The following COL22A1 variants were observed in gnomAD, a reference collection of about 807,000 sequenced individuals.
COL22A1 encodes collagen alpha-1(XXII) chain.
A neutral mutation model predicts 248.9 loss-of-function variants in COL22A1; 221 were observed. The observed-to-expected ratio is 0.89, with a 90% CI of 0.80 to 0.99. The LOEUF (loss-of-function observed/expected upper bound fraction) is 0.99, where lower values mean the gene tolerates loss of function less well. COL22A1 is among the 50% of genes least tolerant of loss of function. The probability of loss-of-function intolerance (pLI) is 0.00; values close to 1 mark genes in which losing one functional copy is unlikely to be tolerated. For missense variants in COL22A1, 2,240 were observed against 2,179.0 expected, an observed-to-expected ratio of 1.03 and a Z score of -0.56; for synonymous variants, 891 against 793.4, an observed-to-expected ratio of 1.12 and a Z score of -2.07.
chr8:138,741,933 T>A (rs1338018304), intron 22 of COL22A1, among the ~76,000 whole-genome samples: 1 of 151,064 alleles, frequency 6.6e-6, no homozygotes, highest in East Asian at 1.9e-4. Flanking sequence ...ATGGTGATGA[T>A]GGTGGTGATG....
intron 21 of COL22A1, among the ~76,000 whole-genome samples, chr8:138,753,600 A>G (rs925834369): frequency 6.6e-6 from 1 of 152,198 alleles, no homozygotes; most frequent in Non-Finnish European, 1.5e-5. Context: ...CATCATCTAG[A>G]AATTGCAAAT....
chr8:138,800,994 C>T (rs1816953243), intron 11 of COL22A1, among the ~76,000 whole-genome samples: 1 of 152,206 alleles, frequency 6.6e-6, no homozygotes, highest in African/African-American at 2.4e-5. Context: ...CCTCACGTCA[C>T]CGAGCTGATG....
At chr8:138,805,517 GTA>G (rs1406527663) in intron 10 of COL22A1, among the ~76,000 whole-genome samples, 4 of 144,932 alleles carry the variant, frequency 2.8e-5, no homozygotes, top group African/African-American at 8.1e-5. Flanking sequence ...TGGTGTGTGT[GTA>G]TATGTGTGAT....
chr8:138,696,640 T>C (rs544787374), intron 32 of COL22A1, among the ~76,000 whole-genome samples: 79 of 152,238 alleles, frequency 5.2e-4, no homozygotes, highest in Non-Finnish European at 9.3e-4. Flanking sequence ...CCTGCGGCTG[T>C]CTTCCTCACT....
At chr8:138,854,496 G>C (rs1388463389) in intron 3 of COL22A1, among the ~76,000 whole-genome samples, 1 of 152,186 alleles carries the variant, frequency 6.6e-6, no homozygotes, top group Non-Finnish European at 1.5e-5. Flanking sequence ...AGCAGAGGCA[G>C]GGCTCAAGGC....
intron 3 of COL22A1, among the ~76,000 whole-genome samples, chr8:138,855,474 C>T (rs1199656506): frequency 7.9e-5 from 12 of 152,180 alleles, no homozygotes; most frequent in Admixed American, 2.0e-4. Context: ...GGCTCGGCTC[C>T]TCATTTGAAC....
Position 138,772,163 on chromosome 8 carries a change from C to T in COL22A1, c.1803+3803G>A, listed in dbSNP as rs553283073. 6.9e-4 allele frequency among the ~76,000 whole-genome samples: 105 copies of T among 152,336 alleles called. No individual in the cohort carries two copies. In the South Asian group the frequency reaches 0.017, roughly 24 times the overall value. ...CACCTGTGAGGGAAGGCCGTCTGCA[C>T]GCTGAGTTCGATCTTGGTTCCTGCA... is the stretch of plus-strand genomic sequence containing the variant. On this transcript the variant is annotated intron_variant, in intron 16 of 64. Transcript: ENST00000303045.
At chr8:138,713,700 C>T (rs1829208346) in intron 30 of COL22A1, among the ~76,000 whole-genome samples, 1 of 97,104 alleles carries the variant, frequency 1.0e-5, no homozygotes, top group Admixed American at 1.2e-4. Context: ...TCATCACACC[C>T]TATGAGTCCA....
At chr8:138,722,642 G>T (rs1829960407) in intron 25 of COL22A1, among the ~76,000 whole-genome samples, 1 of 152,158 alleles carries the variant, frequency 6.6e-6, no homozygotes, top group African/African-American at 2.4e-5. Context: ...CTACCATGAG[G>T]ATATGGCAGG....
chr8:138,639,871 C>A (rs1447413301), intron 47 of COL22A1, among the ~76,000 whole-genome samples: 1 of 152,198 alleles, frequency 6.6e-6, no homozygotes, highest in Non-Finnish European at 1.5e-5. Flanking sequence ...AGTTGCAAAT[C>A]TATTTCCTGC....
intron 3 of COL22A1, among the ~76,000 whole-genome samples, chr8:138,861,615 G>A (rs998176720): frequency 1.8e-4 from 28 of 152,154 alleles, no homozygotes; most frequent in Non-Finnish European, 3.2e-4. Context: ...GCTGCTTTGG[G>A]GTTGGACCTC....
chr8:138,778,121 T>C, intron 15 of COL22A1: 1 of 590,146 alleles, frequency 1.7e-6, no homozygotes, highest in Non-Finnish European at 3.1e-6. Context: ...TGCTTCTTGA[T>C]GTGAGAAAGG....
rs1308579402 is a variant in COL22A1, at chr8:138,663,715, T to C, written c.3176A>G (p.Lys1059Arg). 1 of 1,610,738 alleles carries C rather than the reference T, an allele frequency of 6.2e-7. No individual in the cohort carries two copies. The highest frequency in any genetic ancestry group is 8.5e-7 in the Non-Finnish European group (1 of 1,176,880). ...TAAAGCATACTGTACCGGGGATCCT[T>C]TGTCTCCTGGTGGTCCGGAAGGGCC... is the stretch of plus-strand genomic sequence containing the variant. ...PPGPSGPPGDKGSPGSRGLPG... is the reference protein window; with the variant it reads ...PPGPSGPPGDRGSPGSRGLPG... Residue 1059 changes from lysine (K) to arginine (R), a missense_variant, in exon 42 of 65, where the codon AAA becomes AGA. Transcript: ENST00000303045.
chr8:138,627,627 G>A (rs1820348405), intron 50 of COL22A1, among the ~76,000 whole-genome samples: 1 of 152,090 alleles, frequency 6.6e-6, no homozygotes, highest in Admixed American at 6.6e-5. Flanking sequence ...CTTAAAACAT[G>A]GTAGACCCTT....
intron 30 of COL22A1, among the ~76,000 whole-genome samples, chr8:138,710,730 T>G (rs960185174): frequency 1.3e-4 from 20 of 152,134 alleles, no homozygotes; most frequent in African/African-American, 4.6e-4. Flanking sequence ...ATGCATGCCC[T>G]TTACAATTGT....
intron 2 of COL22A1, among the ~76,000 whole-genome samples, chr8:138,880,440 T>C (rs991083929): frequency 2.6e-5 from 4 of 152,268 alleles, no homozygotes; most frequent in Admixed American, 6.5e-5. Flanking sequence ...GAGTGAATTT[T>C]ATTTTTTGTA....
intron 40 of COL22A1, among the ~76,000 whole-genome samples, chr8:138,677,941 A>G (rs1718710299): frequency 6.6e-6 from 1 of 152,234 alleles, no homozygotes; most frequent in African/African-American, 2.4e-5. Context: ...GCTTGTTATG[A>G]AGAGCCAATG....
intron 17 of COL22A1, 148 bp downstream of exon 17, chr8:138,762,265 G>A (rs1833550601): frequency 1.4e-6 from 1 of 708,280 alleles, no homozygotes; most frequent in Non-Finnish European, 2.4e-6. Flanking sequence ...CACACAGCCG[G>A]GGTCTGGTCC....
At chr8:138,812,895 C>T in intron 8 of COL22A1, 44 bp downstream of exon 8, 1 of 1,441,220 alleles carries the variant, frequency 6.9e-7, no homozygotes, top group Non-Finnish European at 9.8e-7. Context: ...CTGGAGGCCA[C>T]ACACCCATTT....
Sources: allele counts gnomAD v4.1 joint callset (sites outside exome capture counted in the v4.1 genomes callset), GRCh38; gene constraint gnomAD v4.1.1; transcripts MANE v1.5; gene names NCBI Gene and HGNC (gene_info 2026-07-23, HGNC 2026-07-21).